Variants in TEX26 observed in about 807,000 individuals in gnomAD.
TEX26 encodes the protein testis expressed 26, also known as testis-expressed protein 26.
A neutral mutation model predicts 35.3 loss-of-function variants in TEX26; 34 were observed. The ratio of observed to expected loss-of-function variants is 0.96; its 90% confidence interval spans 0.73 to 1.28. TEX26 has a LOEUF of 1.28. Ranked by LOEUF, TEX26 falls within the 50% of genes most tolerant of loss-of-function variation. TEX26 has a pLI of 0.00. For synonymous variants in TEX26, 136 were observed against 111.8 expected (o/e 1.22, Z -1.36); for missense variants, 371 against 330.1 (o/e 1.12, Z -0.96).
At chr13:30,943,541 C>G (rs1953592619) in intron 2 of TEX26, among the ~76,000 whole-genome samples, 1 of 152,014 alleles carries the variant, frequency 6.6e-6, no homozygotes, top group Non-Finnish European at 1.5e-5. Flanking sequence ...TTTCTTGTTC[C>G]AGGCCTCAGA....
At chr13:30,963,281 G>C (rs1209254447) in intron 4 of TEX26, among the ~76,000 whole-genome samples, 3 of 152,128 alleles carry the variant, frequency 2.0e-5, no homozygotes, top group Non-Finnish European at 4.4e-5. Flanking sequence ...AGGGAGCTGA[G>C]CTCCTGAGGA....
chr13:30,960,582 A>C (rs1008204724), intron 4 of TEX26, among the ~76,000 whole-genome samples: 1 of 152,140 alleles, frequency 6.6e-6, no homozygotes, highest in Non-Finnish European at 1.5e-5. Flanking sequence ...TCTTCATTAA[A>C]TTTTATTACA....
intron 4 of TEX26, among the ~76,000 whole-genome samples, chr13:30,959,147 C>T (rs1041912527): frequency 9.9e-5 from 15 of 152,180 alleles, no homozygotes; most frequent in Admixed American, 2.0e-4. Context: ...GAATTCCTAA[C>T]TTCTTGTTTA....
intron 1 of TEX26, among the ~76,000 whole-genome samples, chr13:30,934,259 C>T (rs763501750): frequency 6.6e-6 from 1 of 152,186 alleles, no homozygotes; most frequent in Non-Finnish European, 1.5e-5. Context: ...AGGCTTGGGC[C>T]TCTAATGGCT....
At chr13:30,937,586 C>T (rs1304641364) in intron 1 of TEX26, among the ~76,000 whole-genome samples, 2 of 152,146 alleles carry the variant, frequency 1.3e-5, no homozygotes, top group African/African-American at 4.8e-5. Context: ...TAACAAAGAA[C>T]ATTGAATTCT....
intron 3 of TEX26, 137 bp downstream of exon 3, chr13:30,952,962 C>A: frequency 1.4e-6 from 1 of 735,748 alleles, no homozygotes; most frequent in Non-Finnish European, 2.2e-6. Context: ...TAGACTATTT[C>A]CTGTCTACCT....
chr13:30,972,264 C>CA, intron 6 of TEX26, among the ~76,000 whole-genome samples: 1 of 152,210 alleles, frequency 6.6e-6, no homozygotes. Context: ...ACAGTGTAAA[C>CA]AAAATCACGA....
intron 3 of TEX26, among the ~76,000 whole-genome samples, chr13:30,953,677 A>G (rs1241955300): frequency 6.6e-6 from 1 of 152,138 alleles, no homozygotes; most frequent in Non-Finnish European, 1.5e-5. Context: ...GGGAACTCCT[A>G]TATTTCTTCA....
At chr13:30,932,852 G>A in intron 1 of TEX26, 76 bp downstream of exon 1, 1 of 1,518,342 alleles carries the variant, frequency 6.6e-7, no homozygotes, top group Non-Finnish European at 9.0e-7. Context: ...TTGAGAAAAA[G>A]GGGCCTTAGT....
intron 6 of TEX26, among the ~76,000 whole-genome samples, chr13:30,974,131 A>ATATATATATATATATAT (rs1555271792): frequency 7.1e-5 from 6 of 84,414 alleles, no homozygotes; most frequent in African/African-American, 2.8e-4. Context: ...AAAAAAAAAA[A>ATATATATATATATATAT]ATATATATAT....
Position 30,952,702 on chromosome 13 carries a change from T to C in TEX26, c.189T>C (p.Ser63=). 6.2e-7 allele frequency: 1 copy of C among 1,610,010 alleles called. No homozygotes were observed. Among genetic ancestry groups the C allele is most frequent in the Non-Finnish European group, 8.5e-7 (1 of 1,178,426 alleles). The change falls in exon 3 of 7, where the codon AGT becomes AGC. Residue 63 remains serine (S), a synonymous_variant. Transcript: ENST00000380473. ...GATTAGGATATACATATTCACTTAG[T>C]GATCCTATTCTCAATCAGACACAAT... ...IRRLGYTYSL[S]DPILNQTQYS...
intron 3 of TEX26, among the ~76,000 whole-genome samples, 168 bp downstream of exon 3, chr13:30,952,993 T>G (rs1023261115): frequency 6.6e-6 from 1 of 152,192 alleles, no homozygotes; most frequent in African/African-American, 2.4e-5. Context: ...ATTTCTAACC[T>G]CTTGTGTTCT....
rs377043784 is a variant in TEX26 at position 30,946,557 on chromosome 13, C to T, written c.147-6103C>T. Among the ~76,000 whole-genome samples, 6 of 152,028 alleles carry T rather than the reference C, an allele frequency of 3.9e-5. 1 individual carries two copies. The highest frequency in any genetic ancestry group is 1.2e-4 in the African/African-American group (5 of 41,540). ...CAGAATTATTTTTCTGGTTCCTTCTCATTAGGGTAGACTATTTATTCTAAT... is the reference window on the plus strand; with the variant it reads ...CAGAATTATTTTTCTGGTTCCTTCTTATTAGGGTAGACTATTTATTCTAAT... On this transcript the variant is annotated intron_variant, in intron 2 of 6. Transcript: ENST00000380473.
At chr13:30,936,348 CT>C (rs1187503190) in intron 1 of TEX26, among the ~76,000 whole-genome samples, 1 of 152,198 alleles carries the variant, frequency 6.6e-6, no homozygotes, top group African/African-American at 2.4e-5. Context: ...CATTAGCCAT[CT>C]TTCCCTTTGC....
chr13:30,942,789 T>G (rs1953561693), intron 2 of TEX26, among the ~76,000 whole-genome samples: 1 of 152,142 alleles, frequency 6.6e-6, no homozygotes, highest in African/African-American at 2.4e-5. Context: ...GATCACTTCA[T>G]TGTCAGTATT....
At position 30,957,038 on chromosome 13, in the gene TEX26, T is replaced by G. The variant is rs75055454; in HGVS notation, c.469+9T>G. 4.3e-4 allele frequency: 691 copies of G among 1,610,978 alleles called. 1 individual carries two copies. In the African/African-American group the frequency reaches 8.1e-3, roughly 19 times the overall value. On this transcript the variant is annotated intron_variant, in intron 4 of 6. Coordinates refer to ENST00000380473, the MANE Select transcript of TEX26 (RefSeq NM_152325.3). The stretch of plus-strand genomic sequence containing the variant: ...TGTGGACAGATCAAAAGGTAAACAC[T>G]TTTGTTTTTCTTTTTTTCCTGGGTC...
At chr13:30,959,477 C>T (rs1954257208) in intron 4 of TEX26, among the ~76,000 whole-genome samples, 1 of 152,166 alleles carries the variant, frequency 6.6e-6, no homozygotes, top group East Asian at 1.9e-4. Context: ...AATTATATTA[C>T]AGATTTCTTG....
At chr13:30,962,360 G>A (rs10492600) in intron 4 of TEX26, among the ~76,000 whole-genome samples, 7,333 of 152,148 alleles carry the variant, frequency 0.048, 576 homozygotes, top group African/African-American at 0.17. Flanking sequence ...CAGCCGTCCC[G>A]ACTAACAGCC....
intron 6 of TEX26, among the ~76,000 whole-genome samples, chr13:30,971,767 T>TGGGC (rs2138354381): frequency 6.6e-6 from 1 of 152,304 alleles, no homozygotes; most frequent in African/African-American, 2.4e-5. Context: ...ACTCAAAAGC[T>TGGGC]TACTCATTGG....
Sources: allele counts gnomAD v4.1 joint callset (sites outside exome capture counted in the v4.1 genomes callset), GRCh38; gene constraint gnomAD v4.1.1; transcripts MANE v1.5; gene names NCBI Gene and HGNC (gene_info 2026-07-23, HGNC 2026-07-21).